Variants in COL25A1 observed in about 807,000 individuals in gnomAD.
COL25A1 encodes the protein collagen type XXV alpha 1 chain, also known as collagen alpha-1(XXV) chain.
A neutral mutation model predicts 128.4 loss-of-function variants in COL25A1; 103 were observed. That is an observed-to-expected ratio of 0.80 (90% CI 0.68 to 0.94). The LOEUF is 0.94. Ranked by LOEUF, COL25A1 falls within the 40% of genes least tolerant of loss-of-function variation. The pLI, the probability that COL25A1 is intolerant of heterozygous loss-of-function variation, is 0.00. For missense variants in COL25A1, 745 were observed against 840.0 expected (o/e 0.89, Z 1.40); for synonymous variants, 279 against 277.2 (o/e 1.01, Z -0.06).
chr4:109,183,944 T>C (rs1031343588), intron 3 of COL25A1, among the ~76,000 whole-genome samples: 5 of 147,632 alleles, frequency 3.4e-5, no homozygotes, highest in African/African-American at 1.3e-4. Flanking sequence ...AAAAAAAAGA[T>C]TGGGCTCCAG....
intron 3 of COL25A1, among the ~76,000 whole-genome samples, chr4:109,255,018 T>C (rs950609510): frequency 1.3e-5 from 2 of 152,196 alleles, no homozygotes; most frequent in African/African-American, 2.4e-5. Flanking sequence ...CAGGGATGAA[T>C]TGGAGTCACT....
chr4:108,907,134 G>C (rs1319972649), intron 13 of COL25A1, among the ~76,000 whole-genome samples: 1 of 152,204 alleles, frequency 6.6e-6, no homozygotes, highest in African/African-American at 2.4e-5. Flanking sequence ...CACTAGGATT[G>C]ATGGACACAG....
intron 16 of COL25A1, among the ~76,000 whole-genome samples, chr4:108,893,090 T>C (rs530195948): frequency 6.2e-4 from 94 of 152,128 alleles, no homozygotes; most frequent in Non-Finnish European, 1.1e-3. Flanking sequence ...GCTCAGAGGA[T>C]GCAAGTCAAA....
chr4:109,263,293 T>C (rs923158148), intron 3 of COL25A1, among the ~76,000 whole-genome samples: 2 of 152,220 alleles, frequency 1.3e-5, no homozygotes, highest in Admixed American at 6.5e-5. Flanking sequence ...GTCCTTTCAC[T>C]GAATTCAGTA....
intron 3 of COL25A1, among the ~76,000 whole-genome samples, chr4:109,117,331 T>C (rs1007423324): frequency 6.6e-6 from 1 of 151,926 alleles, no homozygotes; most frequent in Admixed American, 6.6e-5. Context: ...TCAGAACCCA[T>C]GTAAACGAGA....
At chr4:109,173,018 A>T (rs1773732350) in intron 3 of COL25A1, among the ~76,000 whole-genome samples, 1 of 152,208 alleles carries the variant, frequency 6.6e-6, no homozygotes, top group African/African-American at 2.4e-5. Flanking sequence ...TCTTTAGAAA[A>T]GTACCATTAG....
chr4:109,215,736 T>C (rs1209162209), intron 3 of COL25A1, among the ~76,000 whole-genome samples: 1 of 152,076 alleles, frequency 6.6e-6, no homozygotes, highest in African/African-American at 2.4e-5. Context: ...AGGCCACCTT[T>C]TCTTGCTCAC....
intron 35 of COL25A1, among the ~76,000 whole-genome samples, chr4:108,823,613 A>G (rs1732027861): frequency 6.6e-6 from 1 of 152,188 alleles, no homozygotes; most frequent in Non-Finnish European, 1.5e-5. Flanking sequence ...CATAAAATAC[A>G]CCAATATCTC....
In COL25A1 at chr4:109,173,255, TA is replaced by T. The variant is rs929914599; in HGVS notation, c.368-123077del. 2.7e-3 allele frequency among the ~76,000 whole-genome samples: 394 copies of T among 147,014 alleles called. 4 individuals are homozygous for T. The highest frequency in any genetic ancestry group is 7.1e-3 in the African/African-American group (287 of 40,278). On this transcript the variant is annotated intron_variant, in intron 3 of 37. Coordinates refer to ENST00000399132, the MANE Select transcript of COL25A1 (RefSeq NM_198721.4). Reference sequence around the variant, plus strand: ...CACACACCACCACATCCAGCTAATTTAAAAAAAAAAATAGTAGAGATGAGGT... The same window carrying T: ...CACACACCACCACATCCAGCTAATTTAAAAAAAAAATAGTAGAGATGAGGT...
chr4:109,015,674 G>C (rs965726643), intron 5 of COL25A1, among the ~76,000 whole-genome samples: 1 of 152,172 alleles, frequency 6.6e-6, no homozygotes. Context: ...AGGAGAAGCT[G>C]ATCTTAAAAA....
chr4:108,922,768 G>A (rs759652515), intron 11 of COL25A1, among the ~76,000 whole-genome samples: 12 of 152,244 alleles, frequency 7.9e-5, no homozygotes, highest in Admixed American at 2.6e-4. Context: ...CTACTGCTAC[G>A]TCTGGTAACC....
At chr4:109,239,392 G>GTATATA (rs1470443522) in intron 3 of COL25A1, among the ~76,000 whole-genome samples, 1 of 95,244 alleles carries the variant, frequency 1.0e-5, no homozygotes, top group East Asian at 3.0e-4. Flanking sequence ...GTGTGTGTGT[G>GTATATA]TGTATATATA....
chr4:109,208,953 A>G (rs1448709789), intron 3 of COL25A1, among the ~76,000 whole-genome samples: 1 of 152,220 alleles, frequency 6.6e-6, no homozygotes, highest in Non-Finnish European at 1.5e-5. Flanking sequence ...AATAGGGAGT[A>G]TATAATAAAC....
chr4:109,183,901 C>T (rs900855131), intron 3 of COL25A1, among the ~76,000 whole-genome samples: 1 of 148,694 alleles, frequency 6.7e-6, no homozygotes, highest in Non-Finnish European at 1.5e-5. Flanking sequence ...ATTACTTATA[C>T]CTTTAAAACA....
intron 3 of COL25A1, among the ~76,000 whole-genome samples, chr4:109,081,318 A>G (rs1763815053): frequency 6.6e-6 from 1 of 152,220 alleles, no homozygotes; most frequent in Non-Finnish European, 1.5e-5. Flanking sequence ...GGGATATACA[A>G]AAATTATAGA....
rs77535569 is a variant in COL25A1, at chr4:108,877,939, G to T, written c.1020+6239C>A. ...TTTTATCTTCTAAAATGGTTATTGGGACAGTTCACCTAACACTCTTTTGCC... is the reference window on the plus strand; with the variant it reads ...TTTTATCTTCTAAAATGGTTATTGGTACAGTTCACCTAACACTCTTTTGCC... On this transcript the variant is annotated intron_variant, in intron 19 of 37. Coordinates refer to ENST00000399132, the MANE Select transcript of COL25A1 (RefSeq NM_198721.4). 4.6e-3 allele frequency among the ~76,000 whole-genome samples: 699 copies of T among 152,206 alleles called. 15 individuals are homozygous for T. In the East Asian group the frequency reaches 0.062, roughly 14 times the overall value.
intron 3 of COL25A1, among the ~76,000 whole-genome samples, chr4:109,077,966 A>T (rs1450116262): frequency 6.6e-6 from 1 of 152,180 alleles, no homozygotes; most frequent in Non-Finnish European, 1.5e-5. Flanking sequence ...AATTTTGGGG[A>T]TGGAGAGAGG....
chr4:109,072,648 A>G (rs1174588630), intron 3 of COL25A1, among the ~76,000 whole-genome samples: 2 of 152,160 alleles, frequency 1.3e-5, no homozygotes, highest in Non-Finnish European at 2.9e-5. Context: ...AGACTCACCC[A>G]CATTCTTAGC....
intron 13 of COL25A1, among the ~76,000 whole-genome samples, chr4:108,905,850 C>CGG (rs1158394651): frequency 3.1e-4 from 39 of 124,412 alleles, no homozygotes; most frequent in African/African-American, 1.1e-3. Flanking sequence ...AGCAGTATGT[C>CGG]GGGGGGGGGT....
Sources: gnomAD v4.1 joint callset for allele counts (sites outside exome capture counted in the v4.1 genomes callset) on GRCh38, gnomAD v4.1.1 for gene constraint, MANE v1.5 for transcripts, NCBI Gene and HGNC (gene_info 2026-07-23, HGNC 2026-07-21) for gene names.